Variants in NRXN3 observed in about 807,000 individuals in gnomAD.
The protein encoded by NRXN3 is neurexin 3.
NRXN3 carries 32 observed loss-of-function variants against 137.6 expected under a neutral mutation model. The observed-to-expected ratio is 0.23, with a 90% confidence interval of 0.18 to 0.31. NRXN3 has a LOEUF of 0.31. NRXN3 is among the 10% of genes least tolerant of loss of function. The pLI is 1.00. For missense variants in NRXN3, 1,574 were observed against 2,062.5 expected (o/e 0.76, Z 4.59); for synonymous variants, 798 against 784.5 (o/e 1.02, Z -0.29).
chr14:78,732,804 A>C (rs1368582137), intron 8 of NRXN3, among the ~76,000 whole-genome samples: 1 of 152,212 alleles, frequency 6.6e-6, no homozygotes, highest in Non-Finnish European at 1.5e-5. Context: ...AGATGGTTTG[A>C]GGATGGTTCT....
chr14:79,584,410 A>G (rs761497283), intron 16 of NRXN3, among the ~76,000 whole-genome samples: 1 of 152,310 alleles, frequency 6.6e-6, no homozygotes, highest in South Asian at 2.1e-4. Context: ...GTTTATTTGC[A>G]TGAGTCCATA....
intron 10 of NRXN3, among the ~76,000 whole-genome samples, chr14:78,818,261 T>A (rs1212534965): frequency 1.3e-5 from 2 of 152,122 alleles, no homozygotes; most frequent in Non-Finnish European, 2.9e-5. Flanking sequence ...TACATTGATA[T>A]CTGCCACTGT....
rs1292325618 is a variant in NRXN3 at position 79,790,068 on chromosome 14, TA to T, written c.4015-15042del. On this transcript the variant is annotated intron_variant, in intron 19 of 20. Transcript: ENST00000335750. ...TGACTGCTCATGTTTCCAAGATATTTAATCAAAAATATTGTCCCTTATGTGT... is the reference window on the plus strand; with the variant it reads ...TGACTGCTCATGTTTCCAAGATATTTATCAAAAATATTGTCCCTTATGTGT... Among the ~76,000 whole-genome samples the T allele has an allele frequency of 7.9e-5, 12 of 152,334 alleles. No homozygotes were observed. The East Asian group carries it at 2.3e-3, about 29-fold the overall frequency.
chr14:79,222,219 A>T (rs1199926326), intron 15 of NRXN3, among the ~76,000 whole-genome samples: 1 of 151,996 alleles, frequency 6.6e-6, no homozygotes, highest in African/African-American at 2.4e-5. Flanking sequence ...TTTGCTTGGG[A>T]TTGTCTTGGC....
chr14:78,891,783 ATGCATTTTTCAAATGTATGCGTC>A (rs1248756602), intron 10 of NRXN3, among the ~76,000 whole-genome samples: 1 of 152,040 alleles, frequency 6.6e-6, no homozygotes, highest in Non-Finnish European at 1.5e-5. Context: ...TACCATACAC[ATGCATTTTTCAAATGTATGCGTC>A]TGCAATAAAT....
intron 15 of NRXN3, among the ~76,000 whole-genome samples, chr14:79,358,624 A>AGAAG (rs2093553698): frequency 7.1e-6 from 1 of 141,366 alleles, no homozygotes; most frequent in Non-Finnish European, 1.5e-5. Flanking sequence ...AAAGAAAGAA[A>AGAAG]GAAAGAAAGA....
chr14:79,511,788 C>A (rs1171297425), intron 16 of NRXN3, among the ~76,000 whole-genome samples: 1 of 152,198 alleles, frequency 6.6e-6, no homozygotes, highest in Non-Finnish European at 1.5e-5. Flanking sequence ...ATGAACTTTT[C>A]AAGCTCAGAA....
chr14:79,108,294 C>T (rs1347820861), intron 15 of NRXN3, among the ~76,000 whole-genome samples: 2 of 152,138 alleles, frequency 1.3e-5, no homozygotes, highest in Non-Finnish European at 1.5e-5. Context: ...CAGACCAATT[C>T]TCTTTTGCTT....
chr14:79,358,284 C>T (rs2093500020), intron 15 of NRXN3, among the ~76,000 whole-genome samples: 3 of 152,052 alleles, frequency 2.0e-5, no homozygotes, highest in Admixed American at 2.0e-4. Flanking sequence ...GTGTCCTGGC[C>T]GGGCATGGTG....
At chr14:79,373,603 G>A (rs757276559) in intron 15 of NRXN3, among the ~76,000 whole-genome samples, 64 of 151,902 alleles carry the variant, frequency 4.2e-4, no homozygotes, top group Non-Finnish European at 8.1e-4. Flanking sequence ...AATAATATAC[G>A]GTTCAGTGGC....
chr14:78,549,276 C>T (rs1160977551), intron 4 of NRXN3, among the ~76,000 whole-genome samples: 3 of 152,180 alleles, frequency 2.0e-5, no homozygotes, highest in Non-Finnish European at 4.4e-5. Flanking sequence ...AATGAGTCTT[C>T]GTTTATCCAA....
chr14:79,205,252 C>T (rs2066627643), intron 15 of NRXN3, among the ~76,000 whole-genome samples: 1 of 152,122 alleles, frequency 6.6e-6, no homozygotes, highest in African/African-American at 2.4e-5. Flanking sequence ...GGTGGCTCTG[C>T]TTTTGTGATA....
At chr14:78,663,875 A>G (rs2097860007) in intron 6 of NRXN3, among the ~76,000 whole-genome samples, 1 of 152,240 alleles carries the variant, frequency 6.6e-6, no homozygotes, top group Non-Finnish European at 1.5e-5. Context: ...CCTTGTACAC[A>G]TATACCTACA....
At position 79,861,739 on chromosome 14, in the gene NRXN3, G is replaced by A. The variant is rs754022111; in HGVS notation, c.4491G>A (p.Gly1497=). Residue 1497 remains glycine, a synonymous_variant, in exon 21 of 21, where the codon GGG becomes GGA. Transcript: ENST00000335750. This position sits in a 1 kb window ranked among gnomAD's most constrained non-coding sequence, Gnocchi z 5.4. ...TCCGGGAGTCGAGCAGCACAACAGG[G>A]ATGGTCGTCGGCATTGTGGCTGCTG... ...EVIRESSSTT[G]MVVGIVAAAA... 1 of 1,613,808 alleles carries A rather than the reference G, an allele frequency of 6.2e-7. No homozygotes were observed. The highest frequency in any genetic ancestry group is 8.5e-7 in the Non-Finnish European group (1 of 1,179,882).
chr14:79,518,061 A>G (rs2097015608), intron 16 of NRXN3, among the ~76,000 whole-genome samples: 1 of 151,008 alleles, frequency 6.6e-6, no homozygotes, highest in South Asian at 2.1e-4. Flanking sequence ...AAGCGCCACC[A>G]CACCTGGCTA....
chr14:79,707,285 T>G (rs938279141), intron 19 of NRXN3, among the ~76,000 whole-genome samples: 1 of 152,156 alleles, frequency 6.6e-6, no homozygotes, highest in Non-Finnish European at 1.5e-5. Flanking sequence ...CAAATGCTTA[T>G]CATCAGAGTG....
At chr14:79,137,235 A>G (rs1325436564) in intron 15 of NRXN3, among the ~76,000 whole-genome samples, 2 of 152,134 alleles carry the variant, frequency 1.3e-5, no homozygotes, top group Non-Finnish European at 2.9e-5. Flanking sequence ...TGTTATTTCT[A>G]AAGTATTTTG....
At position 78,412,493 on chromosome 14, in the gene NRXN3, G is replaced by A. The variant is rs528785939; in HGVS notation, c.757+114633G>A. 7.6e-4 allele frequency among the ~76,000 whole-genome samples: 115 copies of A among 152,264 alleles called. No homozygotes were observed. In the South Asian group the frequency reaches 7.9e-3, roughly 10 times the overall value. ...TTATCCAAGATAATAATAACTAATA[G>A]TACTTGGGCATTTGCTATGTGCCAG... On this transcript the variant is annotated intron_variant, in intron 4 of 20. Coordinates refer to ENST00000335750, the MANE Select transcript of NRXN3 (RefSeq NM_001330195.2).
intron 3 of NRXN3, among the ~76,000 whole-genome samples, chr14:78,279,242 A>G (rs145848247): frequency 4.9e-4 from 74 of 152,372 alleles, no homozygotes; most frequent in Non-Finnish European, 5.9e-5. Flanking sequence ...CAATGGAAAA[A>G]TTAAAGAACC....
Sources: gnomAD v4.1 joint callset for allele counts (sites outside exome capture counted in the v4.1 genomes callset) on GRCh38, gnomAD v4.1.1 for gene constraint, Gnocchi (gnomAD v3.1) non-coding constraint, MANE v1.5 for transcripts, NCBI Gene and HGNC (gene_info 2026-07-23, HGNC 2026-07-21) for gene names.